Variants in GSPT1 observed in about 807,000 individuals in gnomAD.
GSPT1 encodes the protein G1 to S phase transition 1.
GSPT1 carries 20 observed loss-of-function variants against 72.5 expected under a neutral mutation model. The ratio of observed to expected loss-of-function variants is 0.28; its 90% CI spans 0.19 to 0.40. The LOEUF is 0.40. GSPT1 is among the 10% of genes least tolerant of loss of function. GSPT1 has a pLI of 1.00. For synonymous variants in GSPT1, 334 were observed against 293.5 expected (o/e 1.14, Z -1.41); for missense variants, 580 against 811.9 (o/e 0.71, Z 3.47).
At chr16:11,883,619 CA>C (rs34315327) in intron 10 of GSPT1, among the ~76,000 whole-genome samples, 65,051 of 137,834 alleles carry the variant, frequency 0.47, 15,646 homozygotes, top group East Asian at 0.76. Context: ...GACTCTGTCT[CA>C]AAAAAAAAAA....
At chr16:11,905,286 GTTA>G (rs1275776707) in intron 1 of GSPT1, among the ~76,000 whole-genome samples, 3 of 152,208 alleles carry the variant, frequency 2.0e-5, no homozygotes, top group Non-Finnish European at 4.4e-5. Context: ...GCCACATGTG[GTTA>G]TTAAGCGCTG....
intron 1 of GSPT1, among the ~76,000 whole-genome samples, chr16:11,914,331 T>A (rs1322365380): frequency 6.6e-6 from 1 of 152,162 alleles, no homozygotes; most frequent in Admixed American, 6.5e-5. Flanking sequence ...TGAGAATACA[T>A]AAGTTCACTC....
At chr16:11,886,289 A>T (rs1043921421) in intron 9 of GSPT1, among the ~76,000 whole-genome samples, 182 bp downstream of exon 9, 7 of 152,228 alleles carry the variant, frequency 4.6e-5, no homozygotes, top group Admixed American at 1.3e-4. Context: ...AACCCAGTTT[A>T]AAAATGGGCA....
chr16:11,899,598 A>C (rs527538783), intron 1 of GSPT1, among the ~76,000 whole-genome samples: 1 of 152,262 alleles, frequency 6.6e-6, no homozygotes, highest in Admixed American at 6.5e-5. Context: ...CAGGGGGGAA[A>C]CGCATTTGAA....
rs760970619 is a variant in GSPT1, at chr16:11,915,383, G to A, written c.338C>T (p.Ala113Val). 3 of 1,491,810 alleles carry A rather than the reference G, an allele frequency of 2.0e-6. No individual in the cohort carries two copies. The highest frequency in any genetic ancestry group is 2.6e-5 in the South Asian group (2 of 77,792). The allele number at this position is 1,491,810 out of a possible 1,614,324, so 92.4% of individuals were successfully genotyped here. A position where few individuals can be genotyped will look rare whatever the true frequency, so the allele number is the denominator to read the frequency against. ...CGGGCCTTTACCCGCACGGCCTCCC[G>A]CGCCGCTGCCGGCTCCGTGGTTATT... is the stretch of plus-strand genomic sequence containing the variant. ...AANNHGAGSG[A>V]GGRAAPVESS... The change falls in exon 1 of 15, where the codon GCG becomes GTG. Residue 113 changes from alanine (A) to valine (V), a missense_variant. Ala to Val is a moderately conservative substitution (Grantham distance 64). This residue lies in a region of GSPT1 where 327 missense variants were observed against 298.8 expected (regional missense o/e 1.09). Transcript: ENST00000434724.
At chr16:11,878,458 A>C (rs1400153643) in intron 11 of GSPT1, among the ~76,000 whole-genome samples, 2 of 152,150 alleles carry the variant, frequency 1.3e-5, no homozygotes, top group East Asian at 3.9e-4. Flanking sequence ...GGAGCTGGGT[A>C]GTCCACATGC....
intron 5 of GSPT1, among the ~76,000 whole-genome samples, chr16:11,894,155 C>CAAAAAAAAAAAAAAAA (rs57226427): frequency 1.9e-4 from 8 of 42,672 alleles, no homozygotes; most frequent in African/African-American, 7.1e-4. Context: ...GACCCTATCT[C>CAAAAAAAAAAAAAAAA]AAAAAAAAAA....
intron 1 of GSPT1, among the ~76,000 whole-genome samples, chr16:11,912,421 A>T (rs2054572450): frequency 6.6e-6 from 1 of 152,162 alleles, no homozygotes; most frequent in Admixed American, 6.5e-5. Context: ...GAACACTACA[A>T]AACAGAATGT....
chr16:11,889,462 C>T (rs951412415), intron 6 of GSPT1, among the ~76,000 whole-genome samples: 11 of 150,024 alleles, frequency 7.3e-5, no homozygotes, highest in African/African-American at 2.7e-4. Context: ...CTCAGCCTCC[C>T]AAGTAGCTGG....
intron 5 of GSPT1, among the ~76,000 whole-genome samples, chr16:11,892,523 C>CAAAA (rs1452581943): frequency 4.3e-5 from 5 of 116,078 alleles, no homozygotes; most frequent in Admixed American, 8.6e-5. Flanking sequence ...ACAAAAAAAA[C>CAAAA]AAAAAAAACA....
chr16:11,869,427 T>C lies in GSPT1; in HGVS notation c.*3692A>G, dbSNP rs935591208. On this transcript the variant is annotated 3_prime_UTR_variant, in exon 15 of 15. Coordinates refer to ENST00000434724, the MANE Select transcript of GSPT1 (RefSeq NM_002094.4). ...AAGCCTATTATTTGGAGATAGATAA[T>C]TGTCCCCTGAATCCACTGGTTGTTC... 1.3e-5 allele frequency: 2 copies of C among 152,224 alleles called. No homozygotes were observed. The highest frequency in any genetic ancestry group is 2.1e-4 in the South Asian group (1 of 4,834). 9.4% of individuals were successfully genotyped at this position (152,224 alleles called of 1,614,324 possible).
At chr16:11,875,023 C>G (rs987731959) in intron 14 of GSPT1, among the ~76,000 whole-genome samples, 1 of 152,070 alleles carries the variant, frequency 6.6e-6, no homozygotes, top group Non-Finnish European at 1.5e-5. Context: ...AACCCCGTCT[C>G]TACAAAAATA....
intron 1 of GSPT1, among the ~76,000 whole-genome samples, chr16:11,905,561 G>A (rs1202392967): frequency 1.3e-5 from 2 of 152,158 alleles, no homozygotes; most frequent in Non-Finnish European, 2.9e-5. Context: ...AGGTGCAGTG[G>A]CTCACACCTG....
chr16:11,896,691 A>G lies in GSPT1; in HGVS notation c.531T>C (p.Asp177=), dbSNP rs1212110612. Residue 177 remains aspartate, a synonymous_variant, in exon 4 of 15, where the codon GAT becomes GAC. Coordinates refer to ENST00000434724, the MANE Select transcript of GSPT1 (RefSeq NM_002094.4). ...EAEPGGGSLG[D]GRPPEESAHE... ...GGGCACTTTCCTCTGGCGGCCTTCC[A>G]TCTCCCAAGGAACCACCCCCTGGCT... 6 of 1,608,056 alleles carry G rather than the reference A, an allele frequency of 3.7e-6. No homozygotes were observed. The South Asian group carries it at 4.5e-5, about 12-fold the overall frequency.
intron 1 of GSPT1, among the ~76,000 whole-genome samples, chr16:11,909,870 G>C (rs954448855): frequency 6.6e-6 from 1 of 152,088 alleles, no homozygotes; most frequent in African/African-American, 2.4e-5. Context: ...AGGTTACGGT[G>C]AGCCGAGTTA....
At chr16:11,908,927 GCAACA>G (rs1305904323) in intron 1 of GSPT1, 1 of 152,296 alleles carries the variant, frequency 6.6e-6, no homozygotes, top group East Asian at 1.9e-4. Context: ...TGCAGCCGGG[GCAACA>G]AAGGGAGACT....
At chr16:11,897,053 A>G (rs899077936) in intron 3 of GSPT1, among the ~76,000 whole-genome samples, 1 of 152,240 alleles carries the variant, frequency 6.6e-6, no homozygotes, top group Non-Finnish European at 1.5e-5. Context: ...ATGGCAAACA[A>G]AATGCAAACA....
At chr16:11,883,751 A>G (rs2054153927) in intron 10 of GSPT1, among the ~76,000 whole-genome samples, 1 of 152,006 alleles carries the variant, frequency 6.6e-6, no homozygotes, top group African/African-American at 2.4e-5. Context: ...CGTCTTTACT[A>G]AAAATACAAA....
intron 6 of GSPT1, among the ~76,000 whole-genome samples, chr16:11,889,721 G>T (rs553429302): frequency 9.9e-5 from 15 of 151,878 alleles, no homozygotes; most frequent in African/African-American, 3.6e-4. Flanking sequence ...GGTCAGGCTG[G>T]TCTCGAACTC....
Sources: allele counts gnomAD v4.1 joint callset (sites outside exome capture counted in the v4.1 genomes callset), GRCh38; gene constraint gnomAD v4.1.1; regional missense constraint gnomAD v4.1.1; transcripts MANE v1.5; gene names NCBI Gene and HGNC (gene_info 2026-07-23, HGNC 2026-07-21).